Variants in PANK4 observed in about 807,000 individuals in gnomAD.
PANK4 encodes 4'-phosphopantetheine phosphatase.
In PANK4, 40 loss-of-function variants were observed where a neutral mutation model predicts 87.9. That is an observed-to-expected ratio of 0.46 (90% CI 0.35 to 0.59). The LOEUF (loss-of-function observed/expected upper bound fraction) is 0.59, where lower values mean the gene tolerates loss of function less well. Ranked by LOEUF, PANK4 falls within the 20% of genes least tolerant of loss-of-function variation. The probability of loss-of-function intolerance (pLI) is 0.00; values close to 1 mark genes in which losing one functional copy is unlikely to be tolerated. For synonymous variants in PANK4, 524 were observed against 467.4 expected, an observed-to-expected ratio of 1.12 and a Z score of -1.56; for missense variants, 926 against 1,072.3, an observed-to-expected ratio of 0.86 and a Z score of 1.90.
At chr1:2,518,768 G>A (rs1404526571) in intron 7 of PANK4, among the ~76,000 whole-genome samples, 171 bp from the exon 8 acceptor site, 1 of 152,244 alleles carries the variant, frequency 6.6e-6, no homozygotes, top group African/African-American at 2.4e-5. Context: ...CCAGAGGGCG[G>A]GCTGCTGTTT....
Position 2,520,414 on chromosome 1 carries a change from C to A in PANK4, c.607G>T (p.Val203Leu). Residue 203 changes from valine (V) to leucine (L), a missense_variant and splice_region_variant, in exon 5 of 19, where the codon GTG becomes TTG. Physicochemically the swap from Val to Leu is conservative, Grantham distance 32 (BLOSUM62 1). Transcript: ENST00000378466. The surrounding 1 kb of genome is among the most constrained non-coding windows in gnomAD (Gnocchi z 6.2). The part of the protein sequence containing the change: ...NIGSGVSIVK[V>L]ETEDRFEWVG... The stretch of plus-strand genomic sequence containing the variant: ...CACTCGAACCTGTCCTCCGTCTCCA[C>A]CTGCAACAGAGCCAGGGCAGGTGTG... The A allele has an allele frequency of 6.2e-7, 1 of 1,612,574 alleles. No individual in the cohort carries two copies. The highest frequency in any genetic ancestry group is 1.1e-5 in the South Asian group (1 of 91,080).
Position 2,526,548 on chromosome 1 carries a change from CCCCGCTGCT to C in PANK4, c.31_39del (p.Ser11_Gly13del). 1 of 1,602,868 alleles carries C rather than the reference CCCCGCTGCT, an allele frequency of 6.2e-7. No homozygotes were observed. Among genetic ancestry groups the C allele is most frequent in the South Asian group, 1.1e-5 (1 of 89,990 alleles). On this transcript the variant is annotated inframe_deletion, in exon 1 of 19. Coordinates refer to ENST00000378466, the MANE Select transcript of PANK4 (RefSeq NM_018216.4). ...AGCGTGATGCTCTTGTCCAGACTGT[CCCCGCTGCT>C]CCCGCTGCCGCTCGCTCCACACTCC...
intron 13 of PANK4, chr1:2,512,334 G>A (rs552777636): frequency 5.2e-5 from 8 of 153,782 alleles, no homozygotes; most frequent in African/African-American, 1.9e-4. Context: ...AGCCCCACAT[G>A]AAAAAAAGCA....
At position 2,515,244 on chromosome 1, in the gene PANK4, C is replaced by T; in HGVS notation, c.1374+318G>A. On this transcript the variant is annotated intron_variant, in intron 10 of 18. Coordinates refer to ENST00000378466, the MANE Select transcript of PANK4 (RefSeq NM_018216.4). The surrounding 1 kb of genome is among the most constrained non-coding windows in gnomAD (Gnocchi z 5.0). ...AGTCAGGGTCCCACAATGCCTCCCG[C>T]ACCTCAGTCACACCTCAAAAGAGCA... The T allele has an allele frequency of 1.9e-6, 1 of 531,998 alleles. No individual in the cohort carries two copies. The highest frequency in any genetic ancestry group is 2.3e-5 in the Admixed American group (1 of 44,372). 33.0% of individuals were successfully genotyped at this position (531,998 alleles called of 1,614,324 possible).
rs1213906662 is a variant in PANK4 at position 2,515,197 on chromosome 1, C to G, written c.1374+365G>C. 2.3e-5 allele frequency: 10 copies of G among 432,420 alleles called. No homozygotes were observed. The highest frequency in any genetic ancestry group is 3.3e-4 in the Middle Eastern group (1 of 2,996). The allele number at this position is 432,420 out of a possible 1,614,324, so 26.8% of individuals were successfully genotyped here. The stretch of plus-strand genomic sequence containing the variant: ...TGGCCTCGCCGGGAGCTTGCTGGGG[C>G]TGAGTCTCACCCCACCCCCAGAGTC... On this transcript the variant is annotated intron_variant, in intron 10 of 18. Coordinates refer to ENST00000378466, the MANE Select transcript of PANK4 (RefSeq NM_018216.4). This position sits in a 1 kb window ranked among gnomAD's most constrained non-coding sequence, Gnocchi z 5.0.
chr1:2,510,082 T>C lies in PANK4; in HGVS notation c.2014A>G (p.Ile672Val). The change falls in exon 17 of 19, where the codon ATT becomes GTT. Residue 672 changes from isoleucine to valine, a missense_variant. Ile to Val is a conservative substitution (Grantham distance 29, BLOSUM62 3). Coordinates refer to ENST00000378466, the MANE Select transcript of PANK4 (RefSeq NM_018216.4). The surrounding 1 kb of genome is among the most constrained non-coding windows in gnomAD (Gnocchi z 4.9). Reference protein sequence around the residue: ...HSESLIVAERIAGMDPVVHSA... With the variant: ...HSESLIVAERVAGMDPVVHSA... Reference sequence around the variant, plus strand: ...TGCACGACAGGGTCCATGCCCGCAATACGCTCTGCCACGATGAGGGACTCG... The same window carrying C: ...TGCACGACAGGGTCCATGCCCGCAACACGCTCTGCCACGATGAGGGACTCG... 1 of 1,610,920 alleles carries C rather than the reference T, an allele frequency of 6.2e-7. No homozygotes were observed. Among genetic ancestry groups the C allele is most frequent in the Non-Finnish European group, 8.5e-7 (1 of 1,179,050 alleles).
chr1:2,511,580 C>A (rs1304761059), intron 14 of PANK4, 48 bp downstream of exon 14: 1 of 1,349,634 alleles, frequency 7.4e-7, no homozygotes. Flanking sequence ...AACGTCCAGG[C>A]ATGGCCCCAG....
Position 2,519,208 on chromosome 1 carries a change from A to C in PANK4, c.970T>G (p.Phe324Val). 1 of 1,612,828 alleles carries C rather than the reference A, an allele frequency of 6.2e-7. No homozygotes were observed. The highest frequency in any genetic ancestry group is 8.5e-7 in the Non-Finnish European group (1 of 1,179,926). The change falls in exon 7 of 19, where the codon TTC becomes GTC. Residue 324 changes from phenylalanine (F) to valine (V), a missense_variant. Transcript: ENST00000378466. This position sits in a 1 kb window ranked among gnomAD's most constrained non-coding sequence, Gnocchi z 8.3. ...GTCACGGGGTGGCCCCGGATAAAGA[A>C]GCCTCCAAAGTACACGCGGTCCAGG... ...HSLDRVYFGGFFIRGHPVTMR... is the reference protein window; with the variant it reads ...HSLDRVYFGGVFIRGHPVTMR...
rs774762785 is a variant in PANK4 at position 2,514,070 on chromosome 1, C to T, written c.1507G>A (p.Val503Met). ...TCCCTGGTGTCCAGCAGGCTGCGCACGGTCAGGGTCCCATAGGCGCTGGGG... is the reference window on the plus strand; with the variant it reads ...TCCCTGGTGTCCAGCAGGCTGCGCATGGTCAGGGTCCCATAGGCGCTGGGG... ...QQPFAYGTLT[V>M]RSLLDTREHC... The change falls in exon 12 of 19, where the codon GTG becomes ATG. Residue 503 changes from valine (V) to methionine (M), a missense_variant. Transcript: ENST00000378466. 5 of 1,612,590 alleles carry T rather than the reference C, an allele frequency of 3.1e-6. No individual in the cohort carries two copies. The highest frequency in any genetic ancestry group is 2.2e-5 in the East Asian group (1 of 44,876).
Position 2,520,744 on chromosome 1 carries a change from G to A in PANK4, c.585C>T (p.Gly195=), listed in dbSNP as rs1643868033. 3 of 1,613,382 alleles carry A rather than the reference G, an allele frequency of 1.9e-6. No homozygotes were observed. The highest frequency in any genetic ancestry group is 2.5e-6 in the Non-Finnish European group (3 of 1,179,832). ...TTACCTTCACGATGGAGACTCCAGA[G>A]CCGATATTGACAAGAAGATAGGGGA... ...HIFPYLLVNI[G]SGVSIVKVET... Residue 195 remains glycine, a synonymous_variant, in exon 4 of 19, where the codon GGC becomes GGT. Coordinates refer to ENST00000378466, the MANE Select transcript of PANK4 (RefSeq NM_018216.4). The surrounding 1 kb of genome is among the most constrained non-coding windows in gnomAD (Gnocchi z 6.2).
At chr1:2,521,864 T>G in intron 1 of PANK4, 64 bp from the exon 2 acceptor site, 1 of 1,229,542 alleles carries the variant, frequency 8.1e-7, no homozygotes, top group Non-Finnish European at 1.2e-6. Flanking sequence ...TGGGGGTCCA[T>G]GCCCCACACT....
chr1:2,526,460 C>T lies in PANK4; in HGVS notation c.124+4G>A, dbSNP rs780380398. On this transcript the variant is annotated splice_donor_region_variant and intron_variant, in intron 1 of 18. Transcript: ENST00000378466. ...CCCGCGCCCGGCGCCCGGCCTGCGG[C>T]TACCTATGTCGATGGCGAAGCGCTT... 2 of 1,485,936 alleles carry T rather than the reference C, an allele frequency of 1.3e-6. No homozygotes were observed. The highest frequency in any genetic ancestry group is 2.1e-4 in the Middle Eastern group (1 of 4,734). 92.0% of individuals were successfully genotyped at this position (1,485,936 alleles called of 1,614,324 possible). A position where few individuals can be genotyped will look rare whatever the true frequency, so the allele number is the denominator to read the frequency against.
rs1643758633 is a variant in PANK4 at position 2,515,724 on chromosome 1, G to A, written c.1219-7C>T. 2.5e-6 allele frequency: 4 copies of A among 1,612,402 alleles called. No individual in the cohort carries two copies. Among genetic ancestry groups the A allele is most frequent in the Middle Eastern group, 1.7e-4 (1 of 6,054 alleles). The stretch of plus-strand genomic sequence containing the variant: ...CCATTTCCAGCAAGTCAAACTGGAA[G>A]ACAGGCAGTGGCAGGGTGGAAACGT... On this transcript the variant is annotated splice_polypyrimidine_tract_variant and splice_region_variant and intron_variant, in intron 9 of 18. Transcript: ENST00000378466. The surrounding 1 kb of genome is among the most constrained non-coding windows in gnomAD (Gnocchi z 5.0).
At chr1:2,511,477 G>T in intron 14 of PANK4, 90 bp from the exon 15 acceptor site, 2 of 1,182,550 alleles carry the variant, frequency 1.7e-6, no homozygotes, top group Non-Finnish European at 2.5e-6. Context: ...TCTCCAGGAA[G>T]CAAGTTCTCC....
rs1643763391 is a variant in PANK4 at position 2,515,914 on chromosome 1, CT to C, written c.1219-198del. 3.3e-6 allele frequency: 2 copies of C among 614,486 alleles called. No homozygotes were observed. Among genetic ancestry groups the C allele is most frequent in the African/African-American group, 1.8e-5 (1 of 54,216 alleles). 38.1% of individuals were successfully genotyped at this position (614,486 alleles called of 1,614,324 possible). A position where few individuals can be genotyped will look rare whatever the true frequency, so the allele number is the denominator to read the frequency against. ...TGAGCCGGATACCTTGACTTACCCCCTGGTTTGACACTGGGGTTGCGTCTGC... is the reference window on the plus strand; with the variant it reads ...TGAGCCGGATACCTTGACTTACCCCCGGTTTGACACTGGGGTTGCGTCTGC... On this transcript the variant is annotated intron_variant, in intron 9 of 18. Coordinates refer to ENST00000378466, the MANE Select transcript of PANK4 (RefSeq NM_018216.4). This position sits in a 1 kb window ranked among gnomAD's most constrained non-coding sequence, Gnocchi z 5.0.
In PANK4 at chr1:2,513,687, T is replaced by C. The variant is rs925860649; in HGVS notation, c.1575+315A>G. ...CACCCTCACAGAAGCTGGGAGGCCC[T>C]TGGCTCCTGCAGGCAGGCAGCCTGT... is the stretch of plus-strand genomic sequence containing the variant. On this transcript the variant is annotated intron_variant, in intron 12 of 18. Coordinates refer to ENST00000378466, the MANE Select transcript of PANK4 (RefSeq NM_018216.4). Among the ~76,000 whole-genome samples the C allele has an allele frequency of 3.3e-5, 5 of 152,316 alleles. No individual in the cohort carries two copies. In the East Asian group the frequency reaches 9.7e-4, roughly 29 times the overall value.
chr1:2,509,545 G>A lies in PANK4; in HGVS notation c.2108+317C>T, dbSNP rs920294365. Among the ~76,000 whole-genome samples the A allele has an allele frequency of 6.6e-6, 1 of 152,206 alleles. No homozygotes were observed. The highest frequency in any genetic ancestry group is 1.5e-5 in the Non-Finnish European group (1 of 68,042). On this transcript the variant is annotated intron_variant, in intron 18 of 18. Transcript: ENST00000378466. The surrounding 1 kb of genome is among the most constrained non-coding windows in gnomAD (Gnocchi z 4.9). ...GCCTGGCATCTATGTGGGACACGGA[G>A]GTGACAGACACCGGGCAGCTGCCCA...
At chr1:2,522,836 A>G (rs1643888128) in intron 1 of PANK4, among the ~76,000 whole-genome samples, 1 of 152,162 alleles carries the variant, frequency 6.6e-6, no homozygotes, top group South Asian at 2.1e-4. Context: ...ATAGTGACTT[A>G]ACGGAGGGGA....
Position 2,521,238 on chromosome 1 carries a change from C to T in PANK4, c.285G>A (p.Lys95=). Residue 95 remains lysine, a synonymous_variant, in exon 3 of 19, where the codon AAG becomes AAA. Coordinates refer to ENST00000378466, the MANE Select transcript of PANK4 (RefSeq NM_018216.4). ...AGGCTTCGATGTAGGTATTCTCAAA[C>T]TTAATGAAGTGCAGTCGAGCAGTGA... The part of the protein sequence containing the change: ...EEITARLHFI[K]FENTYIEACL... The T allele has an allele frequency of 6.2e-7, 1 of 1,613,962 alleles. No homozygotes were observed. The highest frequency in any genetic ancestry group is 8.5e-7 in the Non-Finnish European group (1 of 1,179,980).
Sources: gnomAD v4.1 joint callset for allele counts (sites outside exome capture counted in the v4.1 genomes callset) on GRCh38, gnomAD v4.1.1 for gene constraint, Gnocchi (gnomAD v3.1) non-coding constraint, MANE v1.5 for transcripts, NCBI Gene and HGNC (gene_info 2026-07-23, HGNC 2026-07-21) for gene names.